The following BANF2 variants were observed in gnomAD, a reference collection of about 807,000 sequenced individuals.
The protein encoded by BANF2 is BANF family member 2, also known as barrier-to-autointegration factor-like protein.
Under a neutral mutation model 8.0 loss-of-function variants are expected in BANF2, and 4 were observed. That is an observed-to-expected ratio of 0.50 (90% confidence interval 0.25 to 1.14). The LOEUF (loss-of-function observed/expected upper bound fraction) is 1.14. Among genes scored for constraint, BANF2 ranks in the 50% most tolerant of loss-of-function variants. The pLI is 0.16. For synonymous variants in BANF2, 50 were observed against 40.6 expected (o/e 1.23, Z -0.88); for missense variants, 96 against 107.5 (o/e 0.89, Z 0.47).
At chr20:17,700,632 G>C (rs556214616) in intron 1 of BANF2, among the ~76,000 whole-genome samples, 1 of 152,324 alleles carries the variant, frequency 6.6e-6, no homozygotes, top group African/African-American at 2.4e-5. Context: ...TTAGGATCGT[G>C]ACGGGAAATA....
At chr20:17,715,804 T>C (rs533607767) in intron 1 of BANF2, among the ~76,000 whole-genome samples, 1 of 152,354 alleles carries the variant, frequency 6.6e-6, no homozygotes, top group East Asian at 1.9e-4. Flanking sequence ...AATCCTAACT[T>C]AAACTGAAGT....
chr20:17,707,100 C>T (rs567445360), intron 1 of BANF2, among the ~76,000 whole-genome samples: 1 of 151,978 alleles, frequency 6.6e-6, no homozygotes, highest in Non-Finnish European at 1.5e-5. Flanking sequence ...GATGAAAATC[C>T]CAGCCGGGCG....
intron 1 of BANF2, among the ~76,000 whole-genome samples, chr20:17,701,140 G>T (rs1260370368): frequency 1.3e-5 from 2 of 152,134 alleles, no homozygotes; most frequent in South Asian, 2.1e-4. Flanking sequence ...AATCCAAGAC[G>T]CCAATGGTTC....
At chr20:17,721,593 T>C (rs2037730356) in intron 1 of BANF2, among the ~76,000 whole-genome samples, 1 of 152,094 alleles carries the variant, frequency 6.6e-6, no homozygotes, top group African/African-American at 2.4e-5. Flanking sequence ...GGTTTCACCA[T>C]GTTGGCCAGG....
At chr20:17,711,717 A>G (rs1393566761) in intron 1 of BANF2, among the ~76,000 whole-genome samples, 1 of 152,162 alleles carries the variant, frequency 6.6e-6, no homozygotes, top group Non-Finnish European at 1.5e-5. Context: ...TGCACCTCCC[A>G]GGTGTCTCCA....
At chr20:17,720,645 G>A (rs374774238) in intron 1 of BANF2, among the ~76,000 whole-genome samples, 5 of 152,348 alleles carry the variant, frequency 3.3e-5, no homozygotes, top group African/African-American at 1.2e-4. Context: ...GTTGCCAGGG[G>A]TTGCAGGGAA....
At chr20:17,708,093 G>A (rs947742988) in intron 1 of BANF2, among the ~76,000 whole-genome samples, 4 of 151,216 alleles carry the variant, frequency 2.6e-5, no homozygotes, top group African/African-American at 4.9e-5. Context: ...CAGGTGTTGC[G>A]GTGCATGCCT....
chr20:17,720,298 G>T (rs527672755), intron 1 of BANF2, among the ~76,000 whole-genome samples: 100 of 152,222 alleles, frequency 6.6e-4, no homozygotes, highest in Non-Finnish European at 1.0e-3. Flanking sequence ...GTTCGTAGCA[G>T]TATTATTCAC....
At chr20:17,721,214 G>C (rs984888376) in intron 1 of BANF2, among the ~76,000 whole-genome samples, 2 of 152,110 alleles carry the variant, frequency 1.3e-5, no homozygotes, top group Admixed American at 1.3e-4. Context: ...GCCCCATAGT[G>C]GTCCCATTCC....
In BANF2 at chr20:17,709,459, C is replaced by T. The variant is rs191972150; in HGVS notation, c.-167+9404C>T. ...AAGAACAGGAGGTGAATACATGGCA[C>T]GTGGGCCTTCGATATCCTATGAGTG... is the stretch of plus-strand genomic sequence containing the variant. On this transcript the variant is annotated intron_variant, in intron 1 of 3. Transcript: ENST00000246090. Among the ~76,000 whole-genome samples, 22 of 152,300 alleles carry T rather than the reference C, an allele frequency of 1.4e-4. No individual in the cohort carries two copies. In the East Asian group the frequency reaches 3.3e-3, roughly 23 times the overall value.
chr20:17,715,797 CCT>C (rs145315691), intron 1 of BANF2, among the ~76,000 whole-genome samples: 12 of 152,302 alleles, frequency 7.9e-5, no homozygotes, highest in Non-Finnish European at 1.3e-4. Context: ...AAGGCACAAT[CCT>C]AACTTAAACT....
At chr20:17,727,805 C>T (rs35482393) in intron 3 of BANF2, among the ~76,000 whole-genome samples, 3,829 of 152,244 alleles carry the variant, frequency 0.025, 122 homozygotes, top group African/African-American at 0.071. Context: ...GGTTCAGTGA[C>T]GTGATCTCGG....
upstream of BANF2, among the ~76,000 whole-genome samples, chr20:17,699,114 T>C (rs1194008665): frequency 1.3e-5 from 2 of 152,212 alleles, no homozygotes; most frequent in Non-Finnish European, 2.9e-5. Context: ...CAGGTCATTC[T>C]AATGCAACCT....
intron 1 of BANF2, among the ~76,000 whole-genome samples, chr20:17,716,867 A>G (rs1600221027): frequency 1.3e-5 from 2 of 149,626 alleles, no homozygotes; most frequent in South Asian, 2.1e-4. Context: ...AAAAAGAAAG[A>G]AAGGAAGAAA....
At chr20:17,727,255 C>A (rs1015038474) in intron 3 of BANF2, among the ~76,000 whole-genome samples, 3 of 152,168 alleles carry the variant, frequency 2.0e-5, no homozygotes, top group Admixed American at 2.0e-4. Context: ...GTGCAGTGAG[C>A]ACTTTCCTAG....
chr20:17,729,286 T>C (rs978503896), intron 3 of BANF2, among the ~76,000 whole-genome samples: 2 of 152,170 alleles, frequency 1.3e-5, no homozygotes, highest in African/African-American at 4.8e-5. Context: ...TCCTGCCAAC[T>C]TGGAGCCTCT....
chr20:17,697,874 T>C (rs574018203), upstream of BANF2, among the ~76,000 whole-genome samples: 8 of 152,248 alleles, frequency 5.3e-5, no homozygotes, highest in Admixed American at 1.3e-4. Flanking sequence ...GCTGTACTCA[T>C]GATAGTGAGT....
chr20:17,721,378 T>TTTTC (rs141981008), intron 1 of BANF2, among the ~76,000 whole-genome samples: 2 of 145,440 alleles, frequency 1.4e-5, no homozygotes, highest in Non-Finnish European at 3.0e-5. Context: ...TTTTTTTTCT[T>TTTTC]TTTCTTTCTT....
chr20:17,694,047 G>A (rs1476422627), intron 1 of BANF2, among the ~76,000 whole-genome samples: 1 of 152,230 alleles, frequency 6.6e-6, no homozygotes, highest in Admixed American at 6.5e-5. Context: ...TTGGCAGATT[G>A]AACTGAATAC....
Sources: allele counts gnomAD v4.1 joint callset (sites outside exome capture counted in the v4.1 genomes callset), GRCh38; gene constraint gnomAD v4.1.1; transcripts MANE v1.5; gene names NCBI Gene and HGNC (gene_info 2026-07-23, HGNC 2026-07-21).